GADL1: variants seen among roughly 807,000 people sequenced by gnomAD.
GADL1 encodes the protein acidic amino acid decarboxylase GADL1.
Under a neutral mutation model 69.5 loss-of-function variants are expected in GADL1, and 71 were observed. The observed-to-expected ratio is 1.02, with a 90% CI of 0.84 to 1.25. GADL1 has a LOEUF of 1.25. GADL1 is among the 50% of genes most tolerant of loss of function. The pLI is 0.00. For missense variants in GADL1, 737 were observed against 631.8 expected (o/e 1.17, Z -1.79); for synonymous variants, 254 against 214.4 (o/e 1.18, Z -1.62).
intron 14 of GADL1, among the ~76,000 whole-genome samples, chr3:30,730,460 G>A (rs1487729206): frequency 6.6e-6 from 1 of 152,142 alleles, no homozygotes; most frequent in Non-Finnish European, 1.5e-5. Flanking sequence ...CGCTACACAG[G>A]TGTCTGAGTA....
At chr3:30,866,925 T>C (rs1203230210) in intron 1 of GADL1, among the ~76,000 whole-genome samples, 1 of 152,090 alleles carries the variant, frequency 6.6e-6, no homozygotes, top group East Asian at 1.9e-4. Context: ...TATATTTACT[T>C]TGGAAGTCAT....
At position 30,838,938 on chromosome 3, in the gene GADL1, C is replaced by T. The variant is rs530792311; in HGVS notation, c.903+59G>A. The T allele has an allele frequency of 6.7e-6, 7 of 1,037,716 alleles. No individual in the cohort carries two copies. In the South Asian group the frequency reaches 1.1e-4, roughly 17 times the overall value. The allele number at this position is 1,037,716 out of a possible 1,614,324, so 64.3% of individuals were successfully genotyped here. A position where few individuals can be genotyped will look rare whatever the true frequency, so the allele number is the denominator to read the frequency against. ...TAGTTTCTGAGAATAAGAAAAATTT[C>T]TACCAAGGCTACAAAAAGACCAAAG... On this transcript the variant is annotated intron_variant, in intron 9 of 14. Coordinates refer to ENST00000282538, the MANE Select transcript of GADL1 (RefSeq NM_207359.3).
At position 30,865,298 on chromosome 3, in the gene GADL1, TA is replaced by T. The variant is rs1559364732; in HGVS notation, c.38-3534del. Reference sequence around the variant, plus strand: ...CCACGTAAATTAATATATATATATATATATATATTTTTTAATATCTGTCTCT... The same window carrying T: ...CCACGTAAATTAATATATATATATATTATATATTTTTTAATATCTGTCTCT... On this transcript the variant is annotated intron_variant, in intron 1 of 14. Transcript: ENST00000282538. 1.8e-3 allele frequency among the ~76,000 whole-genome samples: 257 copies of T among 140,978 alleles called. 1 individual carries two copies. The highest frequency in any genetic ancestry group is 6.0e-3 in the African/African-American group (240 of 40,320). 92.5% of individuals were successfully genotyped at this position (140,978 alleles called of 152,430 possible).
intron 12 of GADL1, 193 bp downstream of exon 12, chr3:30,800,696 A>C (rs574441079): frequency 1.8e-5 from 11 of 596,192 alleles, no homozygotes; most frequent in African/African-American, 1.3e-4. Context: ...AACACTTAGT[A>C]GGTACTGAGA....
chr3:30,876,649 CAT>C (rs1484283050), intron 1 of GADL1, among the ~76,000 whole-genome samples: 6 of 151,798 alleles, frequency 4.0e-5, no homozygotes, highest in South Asian at 4.1e-4. Context: ...GTTAGCATCT[CAT>C]ATTTTTGCCT....
At chr3:30,783,560 T>C (rs750364170) in intron 13 of GADL1, among the ~76,000 whole-genome samples, 2 of 152,196 alleles carry the variant, frequency 1.3e-5, no homozygotes, top group Non-Finnish European at 2.9e-5. Flanking sequence ...TATACATATA[T>C]AGACATACAA....
At chr3:30,791,044 A>G (rs1355836455) in intron 12 of GADL1, among the ~76,000 whole-genome samples, 1 of 152,072 alleles carries the variant, frequency 6.6e-6, no homozygotes, top group Admixed American at 6.6e-5. Flanking sequence ...AAAGTATGGA[A>G]GGATACGTCA....
intron 2 of GADL1, among the ~76,000 whole-genome samples, chr3:30,858,267 G>A (rs1424666082): frequency 6.6e-6 from 1 of 151,982 alleles, no homozygotes; most frequent in Non-Finnish European, 1.5e-5. Context: ...GATCATAATG[G>A]GCTTTATGTG....
chr3:30,742,148 C>G (rs1341892775), intron 14 of GADL1, among the ~76,000 whole-genome samples: 3 of 152,158 alleles, frequency 2.0e-5, no homozygotes, highest in Admixed American at 6.5e-5. Context: ...AGATGAGACT[C>G]TAGACATCAT....
intron 14 of GADL1, among the ~76,000 whole-genome samples, chr3:30,743,716 T>C (rs1438980322): frequency 6.6e-6 from 1 of 152,172 alleles, no homozygotes. Context: ...ATTGTTATGG[T>C]TATTGCCTGT....
rs554141557 is a variant in GADL1, at chr3:30,772,898, ACT to A, written c.1392+5279_1392+5280del. ...CTTAACAAAACAAAAGCGAAGTGTA[ACT>A]CTACCACAATGCCCGAAGCTTTCAG... On this transcript the variant is annotated intron_variant, in intron 14 of 14. Coordinates refer to ENST00000282538, the MANE Select transcript of GADL1 (RefSeq NM_207359.3). Among the ~76,000 whole-genome samples the A allele has an allele frequency of 5.9e-5, 9 of 152,164 alleles. No individual in the cohort carries two copies. The South Asian group carries it at 1.9e-3, about 32-fold the overall frequency.
At chr3:30,857,341 G>GGT (rs1559362727) in intron 2 of GADL1, among the ~76,000 whole-genome samples, 200 bp from the exon 3 acceptor site, 1 of 151,964 alleles carries the variant, frequency 6.6e-6, no homozygotes, top group Non-Finnish European at 1.5e-5. Context: ...AGATTTGCAA[G>GGT]GTAAAGGGAG....
At chr3:30,840,721 T>TA (rs1201427416) in intron 8 of GADL1, among the ~76,000 whole-genome samples, 1 of 152,122 alleles carries the variant, frequency 6.6e-6, no homozygotes, top group Non-Finnish European at 1.5e-5. Context: ...TCCTCACCTT[T>TA]AAAAAAAGAT....
intron 14 of GADL1, among the ~76,000 whole-genome samples, chr3:30,766,688 T>C (rs1264041110): frequency 6.6e-6 from 1 of 152,100 alleles, no homozygotes; most frequent in Non-Finnish European, 1.5e-5. Context: ...TTGATGACAG[T>C]GATAGGCTGG....
chr3:30,856,398 C>T (rs2125534718), intron 3 of GADL1, among the ~76,000 whole-genome samples: 1 of 152,166 alleles, frequency 6.6e-6, no homozygotes, highest in East Asian at 1.9e-4. Flanking sequence ...CATCACATTA[C>T]TGCACGTACA....
chr3:30,886,366 C>A (rs149962008), intron 1 of GADL1, among the ~76,000 whole-genome samples: 2 of 152,112 alleles, frequency 1.3e-5, no homozygotes, highest in African/African-American at 4.8e-5. Context: ...GTGTTGATTT[C>A]TCACCACTAA....
chr3:30,801,480 A>G (rs1575212235), intron 11 of GADL1, among the ~76,000 whole-genome samples: 2 of 152,142 alleles, frequency 1.3e-5, no homozygotes, highest in African/African-American at 2.4e-5. Flanking sequence ...ACAATTTCAT[A>G]AGCAAAAAAA....
chr3:30,823,119 C>A (rs1238757150), intron 11 of GADL1, among the ~76,000 whole-genome samples: 1 of 151,912 alleles, frequency 6.6e-6, no homozygotes, highest in Non-Finnish European at 1.5e-5. Context: ...CCTAGCAGAC[C>A]TCCACAAGAC....
At chr3:30,768,485 T>C (rs1047040164) in intron 14 of GADL1, among the ~76,000 whole-genome samples, 3 of 150,528 alleles carry the variant, frequency 2.0e-5, no homozygotes, top group South Asian at 4.2e-4. Flanking sequence ...CTTGGACATA[T>C]TTATCAATTG....
Sources: gnomAD v4.1 joint callset for allele counts (sites outside exome capture counted in the v4.1 genomes callset) on GRCh38, gnomAD v4.1.1 for gene constraint, MANE v1.5 for transcripts, NCBI Gene and HGNC (gene_info 2026-07-23, HGNC 2026-07-21) for gene names.